C3orf20: variants seen among roughly 807,000 people sequenced by gnomAD.
C3orf20 encodes family with sequence similarity 149 member C.
In C3orf20, 76 loss-of-function variants were observed where a neutral mutation model predicts 88.3. The ratio of observed to expected loss-of-function variants is 0.86; its 90% CI spans 0.72 to 1.04. C3orf20 has a LOEUF of 1.04. Ranked by LOEUF, C3orf20 falls within the 50% of genes least tolerant of loss-of-function variation. The pLI is 0.00. For missense variants in C3orf20, 1,056 were observed against 1,123.3 expected, an observed-to-expected ratio of 0.94 and a Z score of 0.86; for synonymous variants, 436 against 437.4, an observed-to-expected ratio of 1.00 and a Z score of 0.04.
chr3:14,770,458 G>T (rs2035829522), intron 15 of C3orf20, among the ~76,000 whole-genome samples: 1 of 152,086 alleles, frequency 6.6e-6, no homozygotes, highest in African/African-American at 2.4e-5. Context: ...TGATTCCCTT[G>T]CTTGATCTAT....
At chr3:14,720,680 C>T (rs2034126076) in intron 9 of C3orf20, among the ~76,000 whole-genome samples, 1 of 152,114 alleles carries the variant, frequency 6.6e-6, no homozygotes, top group African/African-American at 2.4e-5. Flanking sequence ...TGTAGGGCTG[C>T]ACACTCTGAG....
At chr3:14,675,911 C>T (rs1048770184) in intron 1 of C3orf20, among the ~76,000 whole-genome samples, 2 of 152,004 alleles carry the variant, frequency 1.3e-5, no homozygotes, top group Non-Finnish European at 2.9e-5. Context: ...AGGCTGGTCT[C>T]GAGCTCCTGA....
chr3:14,679,705 G>C (rs545719293), intron 1 of C3orf20, among the ~76,000 whole-genome samples: 2 of 152,238 alleles, frequency 1.3e-5, no homozygotes, highest in East Asian at 1.9e-4. Context: ...AGATTTCTCA[G>C]GGTCCTTTAC....
In C3orf20 at chr3:14,701,232, C is replaced by T. The variant is rs901265151; in HGVS notation, c.746-1898C>T. Among the ~76,000 whole-genome samples the T allele has an allele frequency of 6.6e-6, 1 of 152,086 alleles. No individual in the cohort carries two copies. Among genetic ancestry groups the T allele is most frequent in the Non-Finnish European group, 1.5e-5 (1 of 68,014 alleles). ...AGGAACCACTCAGGGTGGCAGATAC[C>T]AGAGATGGTTCCCAAGCACTGGCCA... On this transcript the variant is annotated intron_variant, in intron 5 of 16. Transcript: ENST00000253697. This position sits in a 1 kb window ranked among gnomAD's most constrained non-coding sequence, Gnocchi z 4.6.
chr3:14,702,842 A>G (rs1050072782), intron 5 of C3orf20, among the ~76,000 whole-genome samples: 1 of 152,220 alleles, frequency 6.6e-6, no homozygotes, highest in Non-Finnish European at 1.5e-5. Flanking sequence ...ATCTGAGACA[A>G]GGCAAGTTCC....
chr3:14,763,317 C>G (rs114647793), intron 15 of C3orf20, among the ~76,000 whole-genome samples: 3,805 of 152,252 alleles, frequency 0.025, 168 homozygotes, highest in African/African-American at 0.087. Flanking sequence ...ACCAAGGCGC[C>G]AATGGATTTG....
intron 15 of C3orf20, among the ~76,000 whole-genome samples, chr3:14,769,666 C>G (rs2035808721): frequency 6.6e-6 from 1 of 152,144 alleles, no homozygotes; most frequent in African/African-American, 2.4e-5. Context: ...GGAGCTTACC[C>G]CTGCAAGCAT....
At chr3:14,761,115 G>T (rs564027050) in intron 14 of C3orf20, among the ~76,000 whole-genome samples, 1 of 152,134 alleles carries the variant, frequency 6.6e-6, no homozygotes, top group African/African-American at 2.4e-5. Flanking sequence ...CCAGGGCTCT[G>T]TGGGGTTGTA....
intron 7 of C3orf20, among the ~76,000 whole-genome samples, chr3:14,709,848 G>T (rs2033670439): frequency 6.6e-6 from 1 of 152,134 alleles, no homozygotes; most frequent in Non-Finnish European, 1.5e-5. Context: ...TATTTGTCTG[G>T]CTTTGGTATC....
At chr3:14,734,954 A>G (rs1575138448) in intron 12 of C3orf20, among the ~76,000 whole-genome samples, 1 of 151,908 alleles carries the variant, frequency 6.6e-6, no homozygotes, top group Non-Finnish European at 1.5e-5. Context: ...ATCTCTAGAG[A>G]TGTTTTATGT....
chr3:14,699,889 C>T (rs1356829109), intron 5 of C3orf20, among the ~76,000 whole-genome samples: 2 of 151,462 alleles, frequency 1.3e-5, no homozygotes, highest in African/African-American at 4.9e-5. Context: ...AACTCCAGAG[C>T]CCACAGTGGA....
intron 15 of C3orf20, among the ~76,000 whole-genome samples, chr3:14,765,843 G>T (rs1017476676): frequency 3.9e-5 from 6 of 152,258 alleles, no homozygotes; most frequent in African/African-American, 1.4e-4. Flanking sequence ...AGGGCCAGGA[G>T]CAGGAAGAGG....
intron 12 of C3orf20, among the ~76,000 whole-genome samples, chr3:14,730,114 G>A (rs1575134024): frequency 1.3e-5 from 2 of 152,080 alleles, no homozygotes; most frequent in East Asian, 3.9e-4. Context: ...AGTTTTTATT[G>A]TTTTCTAAAA....
rs116905967 is a variant in C3orf20, at chr3:14,753,999, C to G, written c.1941-3372C>G. On this transcript the variant is annotated intron_variant, in intron 12 of 16. Coordinates refer to ENST00000253697, the MANE Select transcript of C3orf20 (RefSeq NM_032137.5). ...TGCATTAGCCTTTACCTTCTACTTTCAAAAAGTCCAGTGGTCAGCCAGAGA... is the reference window on the plus strand; with the variant it reads ...TGCATTAGCCTTTACCTTCTACTTTGAAAAAGTCCAGTGGTCAGCCAGAGA... Among the ~76,000 whole-genome samples the G allele has an allele frequency of 1.2e-3, 186 of 152,344 alleles. 5 individuals are homozygous for G. The East Asian group carries it at 0.031, about 25-fold the overall frequency.
At chr3:14,742,038 T>C (rs138005973) in intron 12 of C3orf20, among the ~76,000 whole-genome samples, 100 of 152,288 alleles carry the variant, frequency 6.6e-4, no homozygotes, top group African/African-American at 2.2e-3. Flanking sequence ...AATCCTCAGT[T>C]TGGTCTGGTG....
chr3:14,707,600 A>G (rs1037968701), intron 7 of C3orf20, among the ~76,000 whole-genome samples: 1 of 152,046 alleles, frequency 6.6e-6, no homozygotes, highest in African/African-American at 2.4e-5. Flanking sequence ...TATTGTGCAT[A>G]GATAGTAGAT....
At chr3:14,766,296 G>A (rs1353609544) in intron 15 of C3orf20, among the ~76,000 whole-genome samples, 1 of 152,194 alleles carries the variant, frequency 6.6e-6, no homozygotes, top group Non-Finnish European at 1.5e-5. Flanking sequence ...TCCCAACTGG[G>A]CACCAGCACA....
chr3:14,767,423 G>C (rs1460799734), intron 15 of C3orf20: 1 of 152,258 alleles, frequency 6.6e-6, no homozygotes, highest in Admixed American at 6.5e-5. Context: ...TGGAGAGACA[G>C]TGTGCCCAGG....
chr3:14,683,479 C>T (rs1403089528), intron 3 of C3orf20, among the ~76,000 whole-genome samples: 1 of 152,128 alleles, frequency 6.6e-6, no homozygotes, highest in Non-Finnish European at 1.5e-5. Flanking sequence ...GGTGCGGAGA[C>T]AGCACCCATG....
Sources: gnomAD v4.1 joint callset for allele counts (sites outside exome capture counted in the v4.1 genomes callset) on GRCh38, gnomAD v4.1.1 for gene constraint, Gnocchi (gnomAD v3.1) non-coding constraint, MANE v1.5 for transcripts, NCBI Gene and HGNC (gene_info 2026-07-23, HGNC 2026-07-21) for gene names.